Variants in DNASE1L3 observed in about 807,000 individuals in gnomAD.
The protein encoded by DNASE1L3 is deoxyribonuclease gamma.
DNASE1L3 carries 27 observed loss-of-function variants against 30.9 expected under a neutral mutation model. The observed-to-expected ratio is 0.87, with a 90% confidence interval of 0.64 to 1.20. The LOEUF (loss-of-function observed/expected upper bound fraction) is 1.20, where lower values mean the gene tolerates loss of function less well. Among genes scored for constraint, DNASE1L3 ranks in the 50% most tolerant of loss-of-function variants. The pLI, the probability that DNASE1L3 is intolerant of heterozygous loss-of-function variation, is 0.00. For missense variants in DNASE1L3, 364 were observed against 378.2 expected, an observed-to-expected ratio of 0.96 and a Z score of 0.31; for synonymous variants, 135 against 138.0, an observed-to-expected ratio of 0.98 and a Z score of 0.15.
At chr3:58,195,246 A>G (rs2097396547) in intron 6 of DNASE1L3, among the ~76,000 whole-genome samples, 1 of 152,168 alleles carries the variant, frequency 6.6e-6, no homozygotes, top group South Asian at 2.1e-4. Context: ...CATCATTTTT[A>G]TGGCTTTTCA....
At chr3:58,206,137 G>A (rs868603502) in intron 2 of DNASE1L3, among the ~76,000 whole-genome samples, 16 of 152,252 alleles carry the variant, frequency 1.1e-4, no homozygotes, top group African/African-American at 3.4e-4. Flanking sequence ...TGGGTGCTGG[G>A]GATACAGCCA....
chr3:58,194,967 C>T (rs1326482233), intron 6 of DNASE1L3, among the ~76,000 whole-genome samples: 2 of 152,172 alleles, frequency 1.3e-5, no homozygotes, highest in Non-Finnish European at 2.9e-5. Context: ...GTAAATTCTT[C>T]GCATCAAGTT....
chr3:58,192,829 A>T lies in DNASE1L3; in HGVS notation c.802-26T>A. ...CTATAAGGAGAAAGGGGAGGTAGAC[A>T]TGGAAATTAGGAGATGCCTGGGAGA... On this transcript the variant is annotated intron_variant, in intron 7 of 7. Coordinates refer to ENST00000394549, the MANE Select transcript of DNASE1L3 (RefSeq NM_004944.4). This position sits in a 1 kb window ranked among gnomAD's most constrained non-coding sequence, Gnocchi z 4.8. 6 of 1,605,386 alleles carry T rather than the reference A, an allele frequency of 3.7e-6. No individual in the cohort carries two copies. Among genetic ancestry groups the T allele is most frequent in the Non-Finnish European group, 5.1e-6 (6 of 1,177,836 alleles).
At position 58,209,906 on chromosome 3, in the gene DNASE1L3, A is replaced by C. The variant is rs113193853; in HGVS notation, c.141+860T>G. Reference sequence around the variant, plus strand: ...TTTCCAGAGTCCTGGGAAAGGGTTAAGTTGCCAGCATCAAAAATTAATTAA... The same window carrying C: ...TTTCCAGAGTCCTGGGAAAGGGTTACGTTGCCAGCATCAAAAATTAATTAA... On this transcript the variant is annotated intron_variant, in intron 1 of 7. Transcript: ENST00000394549. 2.3e-3 allele frequency among the ~76,000 whole-genome samples: 354 copies of C among 152,358 alleles called. 2 individuals carry two copies. The highest frequency in any genetic ancestry group is 8.1e-3 in the African/African-American group (338 of 41,586).
intron 6 of DNASE1L3, among the ~76,000 whole-genome samples, chr3:58,195,400 T>G (rs1012027752): frequency 3.3e-5 from 5 of 151,956 alleles, no homozygotes; most frequent in Admixed American, 3.3e-4. Context: ...TGGGCTCAAG[T>G]GATCCTCCTG....
At chr3:58,202,060 G>A (rs1458192931) in intron 4 of DNASE1L3, among the ~76,000 whole-genome samples, 3 of 150,640 alleles carry the variant, frequency 2.0e-5, no homozygotes, top group Admixed American at 2.0e-4. Flanking sequence ...TGTTTCTGAT[G>A]TATTTTATCC....
In DNASE1L3 at chr3:58,208,202, C is replaced by T; in HGVS notation, c.230+16G>A. The T allele has an allele frequency of 6.2e-7, 1 of 1,613,638 alleles. No homozygotes were observed. The highest frequency in any genetic ancestry group is 1.1e-5 in the South Asian group (1 of 91,054). Reference sequence around the variant, plus strand: ...TTGACCTTGAGCCCTAGAGGGCCCACCCTTCCCCATGTTACCTGTTCAGCT... The same window carrying T: ...TTGACCTTGAGCCCTAGAGGGCCCATCCTTCCCCATGTTACCTGTTCAGCT... On this transcript the variant is annotated intron_variant, in intron 2 of 7. Transcript: ENST00000394549.
intron 6 of DNASE1L3, among the ~76,000 whole-genome samples, chr3:58,195,185 A>G (rs926429068): frequency 6.6e-6 from 1 of 152,254 alleles, no homozygotes. Context: ...ATATGTGAAC[A>G]TGGAACAAAG....
chr3:58,199,485 C>A (rs2097399293), intron 5 of DNASE1L3, among the ~76,000 whole-genome samples: 1 of 152,188 alleles, frequency 6.6e-6, no homozygotes, highest in African/African-American at 2.4e-5. Flanking sequence ...GCCTGGCCAA[C>A]ATGGTGAAAC....
intron 6 of DNASE1L3, among the ~76,000 whole-genome samples, chr3:58,195,079 AGTG>A (rs759549265): frequency 5.3e-5 from 8 of 152,354 alleles, no homozygotes; most frequent in Non-Finnish European, 1.0e-4. Context: ...GGACCAGGCC[AGTG>A]TTCATGTGAC....
In DNASE1L3 at chr3:58,200,046, C is replaced by G. The variant is rs992869106; in HGVS notation, c.546+951G>C. Among the ~76,000 whole-genome samples, 1 of 152,110 alleles carries G rather than the reference C, an allele frequency of 6.6e-6. No homozygotes were observed. The highest frequency in any genetic ancestry group is 1.9e-4 in the East Asian group (1 of 5,192). ...CCCTTGGGTGCACTTCCATATTTAC[C>G]AAGAGCTTTCACAGCCCCTCACAGC... is the stretch of plus-strand genomic sequence containing the variant. On this transcript the variant is annotated intron_variant, in intron 5 of 7. Coordinates refer to ENST00000394549, the MANE Select transcript of DNASE1L3 (RefSeq NM_004944.4). The surrounding 1 kb of genome is among the most constrained non-coding windows in gnomAD (Gnocchi z 4.2).
chr3:58,201,073 G>T lies in DNASE1L3; in HGVS notation c.470C>A (p.Thr157Asn). The T allele has an allele frequency of 2.5e-6, 4 of 1,612,718 alleles. No individual in the cohort carries two copies. Among genetic ancestry groups the T allele is most frequent in the Non-Finnish European group, 3.4e-6 (4 of 1,179,184 alleles). Reference protein sequence around the residue: ...KDFVIIPLHTTPETSVKEIDE... With the variant: ...KDFVIIPLHTNPETSVKEIDE... ...GATCTCCTTAACGGATGTCTCTGGG[G>T]TGGTGTGCAGGGGGATAATCACGAA... Residue 157 changes from threonine to asparagine, a missense_variant, in exon 5 of 8, where the codon ACC (threonine) becomes AAC (asparagine). Coordinates refer to ENST00000394549, the MANE Select transcript of DNASE1L3 (RefSeq NM_004944.4).
In DNASE1L3 at chr3:58,192,375, C is replaced by G. The variant is rs2097394764; in HGVS notation, c.*312G>C. On this transcript the variant is annotated 3_prime_UTR_variant, in exon 8 of 8. Coordinates refer to ENST00000394549, the MANE Select transcript of DNASE1L3 (RefSeq NM_004944.4). This position sits in a 1 kb window ranked among gnomAD's most constrained non-coding sequence, Gnocchi z 4.8. The stretch of plus-strand genomic sequence containing the variant: ...GACTGAAAGCTGACGCTCTTCCTCC[C>G]CCTGCAGCCTCTCGCATGACAGGGT... 3 of 200,402 alleles carry G rather than the reference C, an allele frequency of 1.5e-5. No individual in the cohort carries two copies. Among genetic ancestry groups the G allele is most frequent in the Admixed American group, 1.2e-4 (2 of 17,270 alleles). 12.4% of individuals were successfully genotyped at this position (200,402 alleles called of 1,614,324 possible). A position where few individuals can be genotyped will look rare whatever the true frequency, so the allele number is the denominator to read the frequency against.
chr3:58,198,920 C>T (rs567939284), intron 5 of DNASE1L3, among the ~76,000 whole-genome samples: 34 of 152,186 alleles, frequency 2.2e-4, no homozygotes, highest in Admixed American at 1.8e-3. Flanking sequence ...GAGCTGTCCA[C>T]CCCCACCCAA....
intron 1 of DNASE1L3, among the ~76,000 whole-genome samples, chr3:58,210,242 G>A (rs962380866): frequency 4.0e-5 from 3 of 75,854 alleles, no homozygotes; most frequent in African/African-American, 2.0e-4. Flanking sequence ...AAGGAAGAAA[G>A]AAAAAGAAAG....
chr3:58,205,638 G>C (rs2097403418), intron 2 of DNASE1L3, 78 bp from the exon 3 acceptor site: 1 of 1,200,814 alleles, frequency 8.3e-7, no homozygotes, highest in Non-Finnish European at 1.2e-6. Context: ...TTTCCAATCT[G>C]CCTCCATACG....
rs2097403271 is a variant in DNASE1L3, at chr3:58,205,475, A to T, written c.316T>A (p.Tyr106Asn). Residue 106 changes from tyrosine to asparagine, a missense_variant, in exon 3 of 8, where the codon TAC (tyrosine) becomes AAC (asparagine). Transcript: ENST00000394549. ...NTYKEQYAFLYKEKLVSVKRS... is the reference protein window; with the variant it reads ...NTYKEQYAFLNKEKLVSVKRS... ...GGGAGCATAGGTGATACTTACTTGT[A>T]GAGAAAGGCATATTGTTCTTTATAT... is the stretch of plus-strand genomic sequence containing the variant. 1 of 1,613,204 alleles carries T rather than the reference A, an allele frequency of 6.2e-7. No homozygotes were observed. Among genetic ancestry groups the T allele is most frequent in the Non-Finnish European group, 8.5e-7 (1 of 1,179,242 alleles).
At chr3:58,199,277 G>A (rs575800631) in intron 5 of DNASE1L3, among the ~76,000 whole-genome samples, 12 of 152,176 alleles carry the variant, frequency 7.9e-5, no homozygotes, top group Non-Finnish European at 1.6e-4. Context: ...ATAAACAATA[G>A]GAGGTACAAG....
chr3:58,207,951 A>G, intron 2 of DNASE1L3: 1 of 386,758 alleles, frequency 2.6e-6, no homozygotes, highest in African/African-American at 2.0e-5. Context: ...TCATAACTGT[A>G]CTTTTTAGCT....
Sources: gnomAD v4.1 joint callset for allele counts (sites outside exome capture counted in the v4.1 genomes callset) on GRCh38, gnomAD v4.1.1 for gene constraint, Gnocchi (gnomAD v3.1) non-coding constraint, MANE v1.5 for transcripts, NCBI Gene and HGNC (gene_info 2026-07-23, HGNC 2026-07-21) for gene names.